DZIP3: variants seen among roughly 807,000 people sequenced by gnomAD.
The protein encoded by DZIP3 is DAZ interacting zinc finger protein 3.
A neutral mutation model predicts 162.0 loss-of-function variants in DZIP3; 118 were observed. The ratio of observed to expected loss-of-function variants is 0.73; its 90% CI spans 0.63 to 0.85. DZIP3 has a LOEUF of 0.85. Among genes scored for constraint, DZIP3 ranks in the 40% least tolerant of loss-of-function variants. DZIP3 has a pLI of 0.00. For synonymous variants in DZIP3, 438 were observed against 458.6 expected (o/e 0.96, Z 0.57); for missense variants, 1,331 against 1,407.0 (o/e 0.95, Z 0.86).
Position 108,625,371 on chromosome 3 carries a change from C to G in DZIP3, c.457-474C>G, listed in dbSNP as rs1369839538. Among the ~76,000 whole-genome samples, 4 of 152,186 alleles carry G rather than the reference C, an allele frequency of 2.6e-5. No individual in the cohort carries two copies. In the South Asian group the frequency reaches 8.3e-4, roughly 32 times the overall value. ...AGGAAGAATGATAAAGAATTGTGCT[C>G]TAACAGTTATCAGAAAAGCCCTTAT... On this transcript the variant is annotated intron_variant, in intron 6 of 32. Coordinates refer to ENST00000361582, the MANE Select transcript of DZIP3 (RefSeq NM_014648.4).
At chr3:108,597,711 AG>A (rs1233656697) in intron 1 of DZIP3, among the ~76,000 whole-genome samples, 1 of 152,192 alleles carries the variant, frequency 6.6e-6, no homozygotes, top group Admixed American at 6.5e-5. Context: ...TGCACACCTC[AG>A]GGGATATGTG....
At position 108,661,874 on chromosome 3, in the gene DZIP3, T is replaced by C. The variant is rs370559271; in HGVS notation, c.2200-3T>C. 19 of 1,612,100 alleles carry C rather than the reference T, an allele frequency of 1.2e-5. No homozygotes were observed. The African/African-American group carries it at 2.4e-4, about 20-fold the overall frequency. On this transcript the variant is annotated splice_polypyrimidine_tract_variant and splice_region_variant and intron_variant, in intron 19 of 32. Transcript: ENST00000361582. ...ATACATGCATATTTCCTGTGCTCAA[T>C]AGGGCTCAGCTGGCAAAGTAACTAC...
At chr3:108,625,267 T>TC (rs1261208241) in intron 6 of DZIP3, among the ~76,000 whole-genome samples, 1 of 152,156 alleles carries the variant, frequency 6.6e-6, no homozygotes, top group Non-Finnish European at 1.5e-5. Context: ...AGGTGGTGAT[T>TC]CCCCAAAAGA....
At chr3:108,688,760 G>A (rs1449880990) in intron 30 of DZIP3, 24 bp downstream of exon 30, 1 of 1,613,762 alleles carries the variant, frequency 6.2e-7, no homozygotes, top group African/African-American at 1.3e-5. Flanking sequence ...TTTTGATTCT[G>A]AACACATTTA....
chr3:108,591,684 T>G (rs1483366051), intron 1 of DZIP3, among the ~76,000 whole-genome samples: 1 of 152,210 alleles, frequency 6.6e-6, no homozygotes, highest in African/African-American at 2.4e-5. Context: ...TCCATACTTT[T>G]AGGCCTCAAA....
intron 19 of DZIP3, among the ~76,000 whole-genome samples, chr3:108,658,174 C>T (rs1267482191): frequency 1.3e-5 from 2 of 152,158 alleles, no homozygotes; most frequent in African/African-American, 4.8e-5. Flanking sequence ...CACCCCAAAT[C>T]AACAGAATAT....
intron 1 of DZIP3, among the ~76,000 whole-genome samples, chr3:108,602,276 TA>T (rs944483282): frequency 1.3e-5 from 2 of 151,928 alleles, no homozygotes; most frequent in African/African-American, 2.4e-5. Context: ...CCTTTACAAC[TA>T]AAAAAAATTG....
At chr3:108,684,712 C>T (rs1944438561) in intron 27 of DZIP3, among the ~76,000 whole-genome samples, 1 of 152,046 alleles carries the variant, frequency 6.6e-6, no homozygotes, top group Non-Finnish European at 1.5e-5. Flanking sequence ...TATATTATGG[C>T]ACAAAGCTAA....
intron 4 of DZIP3, among the ~76,000 whole-genome samples, chr3:108,615,959 C>T (rs1940980029): frequency 6.6e-6 from 1 of 151,922 alleles, no homozygotes; most frequent in Non-Finnish European, 1.5e-5. Flanking sequence ...TATAGGAATG[C>T]CTTTTTAAAA....
intron 31 of DZIP3, among the ~76,000 whole-genome samples, chr3:108,689,810 C>T (rs1216625030): frequency 1.3e-5 from 2 of 152,138 alleles, no homozygotes; most frequent in Non-Finnish European, 2.9e-5. Flanking sequence ...GATCCAAGTC[C>T]TCTGTTGCAG....
chr3:108,595,235 G>A (rs1285628930), intron 1 of DZIP3, among the ~76,000 whole-genome samples: 1 of 152,006 alleles, frequency 6.6e-6, no homozygotes, highest in Non-Finnish European at 1.5e-5. Flanking sequence ...GTTTTGTAGG[G>A]GAGACAGCAT....
intron 25 of DZIP3, 34 bp from the exon 26 acceptor site, chr3:108,677,463 G>C: frequency 1.3e-6 from 2 of 1,564,236 alleles, no homozygotes; most frequent in Non-Finnish European, 1.8e-6. Context: ...AAAGTTGGTT[G>C]TTCTCTAAAG....
rs75358852 is a variant in DZIP3, at chr3:108,639,343, A to G, written c.1064+1795A>G. Among the ~76,000 whole-genome samples the G allele has an allele frequency of 8.5e-3, 1,300 of 152,252 alleles. 18 individuals carry two copies. Among genetic ancestry groups the G allele is most frequent in the African/African-American group, 0.03 (1,245 of 41,542 alleles). ...AGATTCTGGATTCCATTATTCCCCA[A>G]TGGGCAATGTTACTTTTATTTTGAC... On this transcript the variant is annotated intron_variant, in intron 12 of 32. Coordinates refer to ENST00000361582, the MANE Select transcript of DZIP3 (RefSeq NM_014648.4).
intron 9 of DZIP3, among the ~76,000 whole-genome samples, chr3:108,634,115 C>T (rs1420579313): frequency 2.6e-5 from 4 of 151,918 alleles, no homozygotes; most frequent in African/African-American, 9.7e-5. Flanking sequence ...TACAGCCAAT[C>T]CGATAGGTGG....
intron 16 of DZIP3, 50 bp from the exon 17 acceptor site, chr3:108,648,868 C>T (rs1255275026): frequency 9.7e-6 from 10 of 1,033,142 alleles, no homozygotes; most frequent in Non-Finnish European, 1.2e-5. Context: ...CAAAATAACC[C>T]ATTGGGCAAT....
At chr3:108,655,574 T>C (rs1188125706) in intron 19 of DZIP3, among the ~76,000 whole-genome samples, 1 of 150,700 alleles carries the variant, frequency 6.6e-6, no homozygotes, top group African/African-American at 2.4e-5. Flanking sequence ...CCGTGAGCGA[T>C]GCAGAAGATG....
Position 108,644,750 on chromosome 3 carries a change from CA to C in DZIP3, c.1729del (p.Ile577TyrfsTer17), listed in dbSNP as rs1559753532. On this transcript the variant is annotated frameshift_variant, in exon 14 of 33. Transcript: ENST00000361582. LOFTEE classifies it high-confidence loss of function. The part of the protein sequence containing the change: ...VYLGIPVPEI[I>X]QRMLSCYQQG... ...ACCTAGGCATACCAGTACCAGAAAT[CA>C]TACAGAGGATGTTATCCTGCTATCA... 6.2e-7 allele frequency: 1 copy of C among 1,605,752 alleles called. No homozygotes were observed. Among genetic ancestry groups the C allele is most frequent in the South Asian group, 1.1e-5 (1 of 91,052 alleles).
In DZIP3 at chr3:108,678,095, T is replaced by A. The variant is rs1361736131; in HGVS notation, c.2883+497T>A. Among the ~76,000 whole-genome samples, 2 of 151,700 alleles carry A rather than the reference T, an allele frequency of 1.3e-5. 1 individual carries two copies. Among genetic ancestry groups the A allele is most frequent in the East Asian group, 3.9e-4 (2 of 5,142 alleles). On this transcript the variant is annotated intron_variant, in intron 26 of 32. Coordinates refer to ENST00000361582, the MANE Select transcript of DZIP3 (RefSeq NM_014648.4). The stretch of plus-strand genomic sequence containing the variant: ...CTGCAGCACTAGATTCTCACAGGAG[T>A]GTGAACCATATTGTGAACTGTGCAT...
chr3:108,646,522 G>A, intron 14 of DZIP3, 95 bp from the exon 15 acceptor site: 1 of 842,202 alleles, frequency 1.2e-6, no homozygotes, highest in Non-Finnish European at 2.0e-6. Flanking sequence ...AGAATAAATT[G>A]GTGCAATATA....
Sources: gnomAD v4.1 joint callset for allele counts (sites outside exome capture counted in the v4.1 genomes callset) on GRCh38, gnomAD v4.1.1 for gene constraint, MANE v1.5 for transcripts, NCBI Gene and HGNC (gene_info 2026-07-23, HGNC 2026-07-21) for gene names.